The following TAF1D variants were observed in gnomAD, a reference collection of about 807,000 sequenced individuals.
The protein encoded by TAF1D is TATA-box binding protein associated factor, RNA polymerase I subunit D, also known as TATA box-binding protein-associated factor RNA polymerase I subunit D.
In TAF1D, 23 loss-of-function variants were observed where a neutral mutation model predicts 26.2. The observed-to-expected ratio is 0.88, with a 90% CI of 0.63 to 1.25. TAF1D has a LOEUF of 1.25. TAF1D is among the 50% of genes most tolerant of loss of function. The pLI is 0.00. For missense variants in TAF1D, 299 were observed against 322.0 expected, an observed-to-expected ratio of 0.93 and a Z score of 0.55; for synonymous variants, 100 against 105.6, an observed-to-expected ratio of 0.95 and a Z score of 0.33.
chr11:93,738,187 T>C lies in TAF1D; in HGVS notation c.381A>G (p.Arg127=). Residue 127 remains arginine (R), a synonymous_variant, in exon 3 of 6, where the codon AGA becomes AGG. Transcript: ENST00000448108. ...AAAATGGGAAGCCAGATCCTCTGCT[T>C]CTAAATTGTTTCTTCTTATCTATTA... ...YSLIDKKKQF[R]SRGSGFPFLE... 6.3e-7 allele frequency: 1 copy of C among 1,587,750 alleles called. No homozygotes were observed. Among genetic ancestry groups the C allele is most frequent in the Admixed American group, 1.9e-5 (1 of 52,470 alleles).
At chr11:93,731,669 T>C (rs2135419436), downstream of TAF1D, 32 of 438,224 alleles carry the variant, frequency 7.3e-5, 1 homozygote, top group South Asian at 5.2e-4. Flanking sequence ...GCTAGATAAA[T>C]AAATAACCTA....
rs1487925850 is a variant in TAF1D at position 93,735,634 on chromosome 11, AC to A, written c.*526del. On this transcript the variant is annotated 3_prime_UTR_variant, in exon 6 of 6. Transcript: ENST00000448108. ...AGTAAGCCAAGACTGCGGCCATTGC[AC>A]TACAGCCTGGGTGACAGATCGAGAC... 1 of 963,994 alleles carries A rather than the reference AC, an allele frequency of 1.0e-6. No homozygotes were observed. The highest frequency in any genetic ancestry group is 1.8e-5 in the African/African-American group (1 of 56,502). 59.7% of individuals were successfully genotyped at this position (963,994 alleles called of 1,614,324 possible).
At chr11:93,734,599 AT>A (rs1443616657), downstream of TAF1D, 1 of 568,128 alleles carries the variant, frequency 1.8e-6, no homozygotes, top group Non-Finnish European at 3.0e-6. Flanking sequence ...AACAAATATG[AT>A]GTGAAAACTC....
chr11:93,730,450 G>C, exon 12 of TAF1D: 1 of 753,144 alleles, frequency 1.3e-6, no homozygotes, highest in Non-Finnish European at 2.4e-6. Flanking sequence ...AGTTTGCCCT[G>C]AAGAAGAGAA....
intron 1 of TAF1D, among the ~76,000 whole-genome samples, chr11:93,739,881 G>C (rs1373364921): frequency 2.3e-5 from 3 of 128,964 alleles, no homozygotes; most frequent in African/African-American, 8.7e-5. Context: ...AAACTGACAA[G>C]TTCTGAATTC....
downstream of TAF1D, chr11:93,735,277 G>A (rs752301169): frequency 6.9e-5 from 89 of 1,297,164 alleles, no homozygotes; most frequent in Admixed American, 1.5e-4. Flanking sequence ...CAGCTCTATC[G>A]TGGTGATCAA....
chr11:93,739,259 CATCAG>C lies in TAF1D; in HGVS notation c.41_45del (p.Ser14CysfsTer9), dbSNP rs1565244874. On this transcript the variant is annotated frameshift_variant, in exon 2 of 6. Coordinates refer to ENST00000448108, the MANE Select transcript of TAF1D (RefSeq NM_024116.4). LOFTEE classifies it high-confidence loss of function. ...CACCTTCGATTTGCAAGTTCCACAG[CATCAG>C]ATGTCACATGGTCAAGAGAATCTAT... 1 of 1,613,068 alleles carries C rather than the reference CATCAG, an allele frequency of 6.2e-7. No individual in the cohort carries two copies. The highest frequency in any genetic ancestry group is 1.1e-5 in the South Asian group (1 of 90,832).
downstream of TAF1D, chr11:93,733,159 A>C (rs1481625062): frequency 2.0e-6 from 1 of 505,794 alleles, no homozygotes; most frequent in Non-Finnish European, 3.9e-6. Context: ...GAAAGGATAC[A>C]TTTCCAGTTA....
In TAF1D at chr11:93,741,380, G is replaced by A; in HGVS notation, c.-86C>T. 2.3e-6 allele frequency: 1 copy of A among 426,840 alleles called. No individual in the cohort carries two copies. Among genetic ancestry groups the A allele is most frequent in the East Asian group, 7.6e-5 (1 of 13,096 alleles). 26.4% of individuals were successfully genotyped at this position (426,840 alleles called of 1,614,324 possible). On this transcript the variant is annotated 5_prime_UTR_variant, in exon 1 of 6. Transcript: ENST00000448108. ...CTTGCTGCTTGTAACCCAGGCCTCG[G>A]CCCAAAACCCGCGACTGGCCTGGTG...
rs2288505 is a variant in TAF1D, at chr11:93,741,334, C to T, written c.-40G>A. ...CTTAGCAACCTACCTAAAACGGCCT[C>T]GCAGTGGCCCCAACCGCGCACTTGC... is the stretch of plus-strand genomic sequence containing the variant. On this transcript the variant is annotated 5_prime_UTR_variant, in exon 1 of 6. Transcript: ENST00000448108. 921 of 456,258 alleles carry T rather than the reference C, an allele frequency of 2.0e-3. 30 individuals are homozygous for T. In the East Asian group the frequency reaches 0.058, roughly 29 times the overall value. 28.3% of individuals were successfully genotyped at this position (456,258 alleles called of 1,614,324 possible). A position where few individuals can be genotyped will look rare whatever the true frequency, so the allele number is the denominator to read the frequency against.
At chr11:93,730,720 A>G (rs770489089), downstream of TAF1D, 53 of 499,146 alleles carry the variant, frequency 1.1e-4, no homozygotes, top group Non-Finnish European at 2.0e-4. Flanking sequence ...GCCCTACATA[A>G]CAATAGTATA....
At chr11:93,735,498 C>T (rs923000807), downstream of TAF1D, 1 of 402,784 alleles carries the variant, frequency 2.5e-6, no homozygotes, top group African/African-American at 2.2e-5. Context: ...TGGTGAAAGC[C>T]TGTCTCTACT....
Position 93,735,928 on chromosome 11 carries a change from A to G in TAF1D, c.*233T>C. The G allele has an allele frequency of 7.8e-7, 1 of 1,279,802 alleles. No homozygotes were observed. Among genetic ancestry groups the G allele is most frequent in the East Asian group, 3.7e-5 (1 of 27,042 alleles). 79.3% of individuals were successfully genotyped at this position (1,279,802 alleles called of 1,614,324 possible). On this transcript the variant is annotated 3_prime_UTR_variant, in exon 6 of 6. Transcript: ENST00000448108. ...CAGAAATCAAATGACAATTTCTCAA[A>G]TTTTTCTATGTATTTTCTCTGGTGT...
intron 2 of TAF1D, chr11:93,739,004 G>C: frequency 1.9e-6 from 1 of 530,122 alleles, no homozygotes; most frequent in South Asian, 2.5e-5. Flanking sequence ...ATGCTAATAT[G>C]ACCCAAAGAA....
At chr11:93,736,642 C>A in intron 5 of TAF1D, 52 bp downstream of exon 5, 2 of 1,597,984 alleles carry the variant, frequency 1.3e-6, no homozygotes, top group African/African-American at 1.4e-5. Flanking sequence ...CCTTCTGTAT[C>A]AACCAACTCC....
chr11:93,734,631 C>A, downstream of TAF1D: 1 of 871,752 alleles, frequency 1.1e-6, no homozygotes, highest in Non-Finnish European at 1.6e-6. Flanking sequence ...ATACCTTTAA[C>A]TCCAGACACC....
chr11:93,732,523 G>C (rs377727771), downstream of TAF1D: 21 of 465,350 alleles, frequency 4.5e-5, no homozygotes, highest in Non-Finnish European at 8.3e-5. Context: ...TGTACAACTC[G>C]TATTCCCAAA....
Position 93,740,433 on chromosome 11 carries a change from GAAAAAAAAAAAA to G in TAF1D, c.-28+877_-28+888del, listed in dbSNP as rs59420824. On this transcript the variant is annotated intron_variant, in intron 1 of 5. Coordinates refer to ENST00000448108, the MANE Select transcript of TAF1D (RefSeq NM_024116.4). ...ACGACAGAGCAAGACCCTGTCTCAG[GAAAAAAAAAAAA>G]AAAAAAAAAAAAAAAAAAAAAGGCA... 3.9e-4 allele frequency among the ~76,000 whole-genome samples: 19 copies of G among 48,430 alleles called. 1 individual carries two copies. Among genetic ancestry groups the G allele is most frequent in the South Asian group, 1.9e-3 (1 of 536 alleles). The allele number at this position is 48,430 out of a possible 152,430, so 31.8% of individuals were successfully genotyped here.
chr11:93,738,972 C>G (rs547192902), intron 2 of TAF1D: 1 of 480,128 alleles, frequency 2.1e-6, no homozygotes, highest in African/African-American at 2.0e-5. Flanking sequence ...CCTACCGAAC[C>G]GGAGGATGTA....
Sources: allele counts gnomAD v4.1 joint callset (sites outside exome capture counted in the v4.1 genomes callset), GRCh38; gene constraint gnomAD v4.1.1; transcripts MANE v1.5; gene names NCBI Gene and HGNC (gene_info 2026-07-23, HGNC 2026-07-21).